SLIT3: variants seen among roughly 807,000 people sequenced by gnomAD.
The protein encoded by SLIT3 is slit homolog 3 protein.
Under a neutral mutation model 184.0 loss-of-function variants are expected in SLIT3, and 68 were observed. The observed-to-expected ratio is 0.37, with a 90% confidence interval of 0.30 to 0.45. The LOEUF (loss-of-function observed/expected upper bound fraction) is 0.45. SLIT3 is among the 20% of genes least tolerant of loss of function. The pLI is 1.00. For missense variants in SLIT3, 1,707 were observed against 2,026.0 expected, an observed-to-expected ratio of 0.84 and a Z score of 3.02; for synonymous variants, 831 against 828.6, an observed-to-expected ratio of 1.00 and a Z score of -0.05.
rs575437027 is a variant in SLIT3, at chr5:168,954,133, G to A, written c.414-70797C>T. Reference sequence around the variant, plus strand: ...CGTCGGGAGGAAGGAGGCAAGAAGGGGGGCAGAATGCTTTGGCACTGGCTT... The same window carrying A: ...CGTCGGGAGGAAGGAGGCAAGAAGGAGGGCAGAATGCTTTGGCACTGGCTT... On this transcript the variant is annotated intron_variant, in intron 4 of 35. Coordinates refer to ENST00000519560, the MANE Select transcript of SLIT3 (RefSeq NM_003062.4). Among the ~76,000 whole-genome samples the A allele has an allele frequency of 2.6e-5, 4 of 152,208 alleles. No individual in the cohort carries two copies. The South Asian group carries it at 8.3e-4, about 32-fold the overall frequency.
At chr5:168,979,487 T>C (rs989711633) in intron 4 of SLIT3, among the ~76,000 whole-genome samples, 1 of 152,214 alleles carries the variant, frequency 6.6e-6, no homozygotes, top group South Asian at 2.1e-4. Flanking sequence ...CAGGAGGAAC[T>C]CCTTTTTTTC....
chr5:168,740,557 A>T (rs1763594432), intron 20 of SLIT3, among the ~76,000 whole-genome samples: 1 of 152,194 alleles, frequency 6.6e-6, no homozygotes, highest in African/African-American at 2.4e-5. Flanking sequence ...GGACTCAGCC[A>T]ATGTCTCTGA....
chr5:168,898,530 G>A (rs530471282), intron 4 of SLIT3, among the ~76,000 whole-genome samples: 1 of 151,988 alleles, frequency 6.6e-6, no homozygotes, highest in East Asian at 1.9e-4. Flanking sequence ...ATCATTCAAC[G>A]AATGAGATTT....
intron 5 of SLIT3, among the ~76,000 whole-genome samples, chr5:168,847,907 A>G (rs1758533064): frequency 6.6e-6 from 1 of 152,118 alleles, no homozygotes; most frequent in Non-Finnish European, 1.5e-5. Context: ...GACCCTCTCA[A>G]AAACAAATCA....
chr5:169,071,327 A>T lies in SLIT3; in HGVS notation c.413+122152T>A, dbSNP rs1758537592. Among the ~76,000 whole-genome samples the T allele has an allele frequency of 2.6e-5, 4 of 152,170 alleles. No individual in the cohort carries two copies. The South Asian group carries it at 8.3e-4, about 32-fold the overall frequency. ...TTCTTTATAAACAGAAGCAACCAAT[A>T]AAATCATTTCTCCACAGCCTAGTGC... On this transcript the variant is annotated intron_variant, in intron 4 of 35. Transcript: ENST00000519560.
rs936230916 is a variant in SLIT3, at chr5:169,224,943, C to T, written c.341+19762G>A. 8.5e-5 allele frequency among the ~76,000 whole-genome samples: 13 copies of T among 152,140 alleles called. No individual in the cohort carries two copies. In the South Asian group the frequency reaches 1.2e-3, roughly 15 times the overall value. On this transcript the variant is annotated intron_variant, in intron 3 of 35. Coordinates refer to ENST00000519560, the MANE Select transcript of SLIT3 (RefSeq NM_003062.4). ...AAGTGATCCGCCCATCTTGGCCTCC[C>T]GAAGTGCTGGGATTGCAGGAATGAG...
At chr5:169,251,900 G>A (rs1765787289) in intron 1 of SLIT3, among the ~76,000 whole-genome samples, 1 of 152,136 alleles carries the variant, frequency 6.6e-6, no homozygotes, top group East Asian at 1.9e-4. Context: ...TTTATCTACT[G>A]GGATTGCTAA....
At chr5:168,680,043 C>T (rs1056676661) in intron 32 of SLIT3, among the ~76,000 whole-genome samples, 7 of 152,234 alleles carry the variant, frequency 4.6e-5, no homozygotes, top group Non-Finnish European at 2.9e-5. Flanking sequence ...ATAGAAACCC[C>T]GGTGGTCCCG....
chr5:169,150,542 CA>C lies in SLIT3; in HGVS notation c.413+42936del, dbSNP rs1581462046. ...ACACACACACACACACACACACACA[CA>C]CCCTTACCTCACATAGGGATGTACA... On this transcript the variant is annotated intron_variant, in intron 4 of 35. Transcript: ENST00000519560. 2.6e-5 allele frequency among the ~76,000 whole-genome samples: 4 copies of C among 151,846 alleles called. No homozygotes were observed. In the East Asian group the frequency reaches 5.8e-4, roughly 22 times the overall value.
chr5:168,913,806 CCATATCTTTCT>C (rs372301984), intron 4 of SLIT3, among the ~76,000 whole-genome samples: 4 of 151,944 alleles, frequency 2.6e-5, no homozygotes, highest in African/African-American at 7.2e-5. Context: ...AAAGTAAAAC[CCATATCTTTCT>C]CCCCCACTCT....
intron 5 of SLIT3, among the ~76,000 whole-genome samples, chr5:168,861,200 G>C (rs1040484742): frequency 6.6e-6 from 1 of 152,104 alleles, no homozygotes; most frequent in African/African-American, 2.4e-5. Context: ...TTGGTGTGCT[G>C]CACCCATTAA....
At chr5:168,868,564 AT>A (rs202016211) in intron 5 of SLIT3, among the ~76,000 whole-genome samples, 16,000 of 152,062 alleles carry the variant, frequency 0.11, 1,067 homozygotes, top group Non-Finnish European at 0.15. Flanking sequence ...CCTGGCCAAC[AT>A]GGTGAAACCC....
At chr5:168,910,209 C>T (rs1273596665) in intron 4 of SLIT3, among the ~76,000 whole-genome samples, 2 of 152,128 alleles carry the variant, frequency 1.3e-5, no homozygotes, top group East Asian at 1.9e-4. Context: ...TGTGTTTACA[C>T]GATATGGAAA....
At chr5:169,187,988 C>T (rs1763415856) in intron 4 of SLIT3, among the ~76,000 whole-genome samples, 1 of 152,176 alleles carries the variant, frequency 6.6e-6, no homozygotes, top group African/African-American at 2.4e-5. Context: ...GATGGGGTCT[C>T]ACTCTGTCGC....
At chr5:168,919,223 G>T (rs943527831) in intron 4 of SLIT3, among the ~76,000 whole-genome samples, 1 of 148,076 alleles carries the variant, frequency 6.8e-6, no homozygotes, top group East Asian at 2.0e-4. Context: ...TCGCGCCACT[G>T]CACTCCAGCC....
intron 4 of SLIT3, among the ~76,000 whole-genome samples, chr5:169,056,666 C>A (rs1331885029): frequency 1.3e-5 from 2 of 152,046 alleles, no homozygotes; most frequent in East Asian, 3.9e-4. Context: ...AGGATTCATG[C>A]CTATTTGAGG....
At chr5:168,737,247 T>G (rs1369044632) in intron 20 of SLIT3, among the ~76,000 whole-genome samples, 3 of 152,126 alleles carry the variant, frequency 2.0e-5, no homozygotes, top group East Asian at 1.9e-4. Flanking sequence ...GAGGACCAAG[T>G]GCCACTGAGC....
intron 14 of SLIT3, among the ~76,000 whole-genome samples, chr5:168,766,100 C>T (rs1435498173): frequency 2.0e-5 from 3 of 152,196 alleles, no homozygotes; most frequent in Non-Finnish European, 4.4e-5. Context: ...GATCAGAGGC[C>T]AGCACCAGGT....
chr5:169,194,444 G>T lies in SLIT3; in HGVS notation c.342-894C>A, dbSNP rs1763677265. On this transcript the variant is annotated intron_variant, in intron 3 of 35. Coordinates refer to ENST00000519560, the MANE Select transcript of SLIT3 (RefSeq NM_003062.4). ...CTGTGGACCAGAGTAGGATTCCATT[G>T]TGAGTTTTGTGGGTCCTTGGCAATT... Among the ~76,000 whole-genome samples, 3 of 152,174 alleles carry T rather than the reference G, an allele frequency of 2.0e-5. No homozygotes were observed. The South Asian group carries it at 6.2e-4, about 32-fold the overall frequency.
Sources: allele counts gnomAD v4.1 joint callset (sites outside exome capture counted in the v4.1 genomes callset), GRCh38; gene constraint gnomAD v4.1.1; transcripts MANE v1.5; gene names NCBI Gene and HGNC (gene_info 2026-07-23, HGNC 2026-07-21).